The following PEX5L variants were observed in gnomAD, a reference collection of about 807,000 sequenced individuals.
PEX5L encodes PEX5-related protein.
In PEX5L, 30 loss-of-function variants were observed where a neutral mutation model predicts 84.0. That is an observed-to-expected ratio of 0.36 (90% CI 0.27 to 0.48). The LOEUF (loss-of-function observed/expected upper bound fraction) is 0.48. Among genes scored for constraint, PEX5L ranks in the 20% least tolerant of loss-of-function variants. The pLI is 0.99. For missense variants in PEX5L, 533 were observed against 754.6 expected (o/e 0.71, Z 3.44); for synonymous variants, 270 against 283.1 (o/e 0.95, Z 0.46).
chr3:179,997,554 T>C (rs1788007825), intron 1 of PEX5L, among the ~76,000 whole-genome samples: 1 of 152,190 alleles, frequency 6.6e-6, no homozygotes, highest in South Asian at 2.1e-4. Flanking sequence ...ATCACATCCC[T>C]GGAGGGGTTG....
intron 2 of PEX5L, among the ~76,000 whole-genome samples, chr3:179,904,416 G>A (rs939040117): frequency 6.6e-6 from 1 of 152,152 alleles, no homozygotes; most frequent in African/African-American, 2.4e-5. Flanking sequence ...GCAGGTGGGA[G>A]AAAGTCATGG....
chr3:179,861,871 A>G (rs1746281862), intron 7 of PEX5L, among the ~76,000 whole-genome samples: 1 of 152,236 alleles, frequency 6.6e-6, no homozygotes, highest in Non-Finnish European at 1.5e-5. Context: ...ACTTTGAAAG[A>G]GGCAAATTGA....
intron 1 of PEX5L, among the ~76,000 whole-genome samples, chr3:179,998,467 A>C (rs1788096159): frequency 6.6e-6 from 1 of 152,148 alleles, no homozygotes; most frequent in South Asian, 2.1e-4. Flanking sequence ...TGCTATTTGG[A>C]GCCTTCGGCA....
At chr3:179,902,441 C>T (rs1256519999) in intron 2 of PEX5L, among the ~76,000 whole-genome samples, 1 of 152,184 alleles carries the variant, frequency 6.6e-6, no homozygotes, top group African/African-American at 2.4e-5. Flanking sequence ...TGAGAAATAT[C>T]TTCTTTCTCT....
chr3:180,006,029 T>C (rs530893789), intron 1 of PEX5L, among the ~76,000 whole-genome samples: 3 of 152,354 alleles, frequency 2.0e-5, no homozygotes, highest in African/African-American at 7.2e-5. Context: ...CTATTGTTAT[T>C]AATTCAAACT....
chr3:179,820,294 C>T, intron 8 of PEX5L: 1 of 276,814 alleles, frequency 3.6e-6, no homozygotes, highest in Non-Finnish European at 6.9e-6. Flanking sequence ...TTAGGAAGGG[C>T]AGTCTCTCCC....
intron 1 of PEX5L, among the ~76,000 whole-genome samples, chr3:180,004,953 TGTG>T (rs1361644589): frequency 1.3e-5 from 2 of 152,160 alleles, no homozygotes; most frequent in Non-Finnish European, 2.9e-5. Flanking sequence ...TTTTTGTAAA[TGTG>T]GTGTCTAGAA....
chr3:179,813,919 A>G (rs1034893707), intron 10 of PEX5L, among the ~76,000 whole-genome samples: 9 of 126,374 alleles, frequency 7.1e-5, no homozygotes, highest in African/African-American at 2.4e-4. Context: ...CTCATGATCC[A>G]CCCGCCTCGG....
intron 3 of PEX5L, among the ~76,000 whole-genome samples, chr3:179,890,716 T>C (rs893159687): frequency 1.3e-5 from 2 of 152,156 alleles, no homozygotes; most frequent in Non-Finnish European, 2.9e-5. Flanking sequence ...TATCCCTAAA[T>C]CACAGTTCTG....
intron 7 of PEX5L, 87 bp from the exon 8 acceptor site, chr3:179,859,244 A>G: frequency 1.0e-6 from 1 of 970,380 alleles, no homozygotes; most frequent in Non-Finnish European, 1.6e-6. Flanking sequence ...TTCCCATTTC[A>G]CTTCCCTAGA....
chr3:179,817,096 C>T (rs994110189), intron 9 of PEX5L, among the ~76,000 whole-genome samples: 4 of 152,242 alleles, frequency 2.6e-5, no homozygotes, highest in African/African-American at 9.6e-5. Context: ...CTTTGGAGAA[C>T]TACAAACCAT....
intron 1 of PEX5L, among the ~76,000 whole-genome samples, chr3:179,979,260 C>T (rs961368937): frequency 6.6e-6 from 1 of 151,562 alleles, no homozygotes; most frequent in Non-Finnish European, 1.5e-5. Context: ...AAAAAAAAAA[C>T]AAAGATAATG....
intron 3 of PEX5L, among the ~76,000 whole-genome samples, chr3:179,893,552 A>C (rs1459863829): frequency 4.6e-5 from 7 of 152,166 alleles, no homozygotes; most frequent in African/African-American, 1.7e-4. Flanking sequence ...AAAGTTTCTG[A>C]TAACATATTA....
chr3:179,952,882 T>C (rs913972206), intron 2 of PEX5L, among the ~76,000 whole-genome samples: 7 of 152,128 alleles, frequency 4.6e-5, no homozygotes, highest in Admixed American at 1.3e-4. Context: ...CAAAACAGCA[T>C]GGTACCGGTA....
chr3:179,975,731 CA>C (rs1785702489), intron 1 of PEX5L, among the ~76,000 whole-genome samples: 1 of 152,224 alleles, frequency 6.6e-6, no homozygotes, highest in Admixed American at 6.5e-5. Context: ...CACCTATCTT[CA>C]GCCTTTTCTC....
intron 1 of PEX5L, among the ~76,000 whole-genome samples, chr3:180,022,540 C>T (rs1220927274): frequency 1.3e-5 from 2 of 152,100 alleles, no homozygotes; most frequent in African/African-American, 4.8e-5. Flanking sequence ...ATACATGAAA[C>T]ACTTGGTTAA....
chr3:179,839,596 G>C (rs1736268844), intron 8 of PEX5L, among the ~76,000 whole-genome samples: 1 of 152,124 alleles, frequency 6.6e-6, no homozygotes, highest in South Asian at 2.1e-4. Flanking sequence ...TTCACAGAAG[G>C]TTGAGTTCTA....
chr3:179,941,043 T>C (rs1469938105), intron 2 of PEX5L, among the ~76,000 whole-genome samples: 2 of 152,204 alleles, frequency 1.3e-5, no homozygotes, highest in East Asian at 1.9e-4. Flanking sequence ...TCAAGAAGAT[T>C]GAAATGTAAC....
chr3:179,883,393 C>T lies in PEX5L; in HGVS notation c.311-3270G>A, dbSNP rs191988125. ...CCAGTCACCCTTGTAGCACTTTGTCCTGTCTTCTTCACTTTAGTTCAGCTA... is the reference window on the plus strand; with the variant it reads ...CCAGTCACCCTTGTAGCACTTTGTCTTGTCTTCTTCACTTTAGTTCAGCTA... On this transcript the variant is annotated intron_variant, in intron 4 of 14. Coordinates refer to ENST00000467460, the MANE Select transcript of PEX5L (RefSeq NM_016559.3). 2.5e-3 allele frequency among the ~76,000 whole-genome samples: 387 copies of T among 152,318 alleles called. 1 individual carries two copies. The highest frequency in any genetic ancestry group is 8.8e-3 in the African/African-American group (364 of 41,566).
Sources: gnomAD v4.1 joint callset for allele counts (sites outside exome capture counted in the v4.1 genomes callset) on GRCh38, gnomAD v4.1.1 for gene constraint, MANE v1.5 for transcripts, NCBI Gene and HGNC (gene_info 2026-07-23, HGNC 2026-07-21) for gene names.